The following HMCN1 variants were observed in gnomAD, a reference collection of about 807,000 sequenced individuals.
HMCN1 encodes the protein hemicentin 1, also known as hemicentin-1.
A neutral mutation model predicts 625.9 loss-of-function variants in HMCN1; 321 were observed. The ratio of observed to expected loss-of-function variants is 0.51; its 90% confidence interval spans 0.47 to 0.56. The LOEUF is 0.56. Among genes scored for constraint, HMCN1 ranks in the 20% least tolerant of loss-of-function variants. HMCN1 has a pLI of 0.00. For synonymous variants in HMCN1, 2,425 were observed against 2,417.6 expected (o/e 1.00, Z -0.09); for missense variants, 6,588 against 6,887.3 (o/e 0.96, Z 1.54).
chr1:186,067,895 T>TAAGG lies in HMCN1; in HGVS notation c.7769_7770insGGAA (p.Asn2590LysfsTer10), dbSNP rs748205572. 6.2e-7 allele frequency: 1 copy of TAAGG among 1,612,854 alleles called. No individual in the cohort carries two copies. The highest frequency in any genetic ancestry group is 8.5e-7 in the Non-Finnish European group (1 of 1,178,856). ...ACCCTGAAGATGTCACTGTCATCCT[T>TAAGG]AACAGCCCTACATCTTTGGTCTGTG... is the stretch of plus-strand genomic sequence containing the variant. On this transcript the variant is annotated frameshift_variant, in exon 50 of 107. Transcript: ENST00000271588. LOFTEE classifies it high-confidence loss of function.
In HMCN1 at chr1:185,897,400, T is replaced by C. The variant is rs1388399919; in HGVS notation, c.622-11937T>C. On this transcript the variant is annotated intron_variant, in intron 4 of 106. Coordinates refer to ENST00000271588, the MANE Select transcript of HMCN1 (RefSeq NM_031935.3). Reference sequence around the variant, plus strand: ...TTCTGAACTCCTTCAGTGACTTCCATAGATCTTCAGGGTAAGATCTGCCAT... The same window carrying C: ...TTCTGAACTCCTTCAGTGACTTCCACAGATCTTCAGGGTAAGATCTGCCAT... 5.9e-5 allele frequency among the ~76,000 whole-genome samples: 9 copies of C among 152,312 alleles called. No homozygotes were observed. The South Asian group carries it at 1.7e-3, about 28-fold the overall frequency.
intron 2 of HMCN1, among the ~76,000 whole-genome samples, chr1:185,860,838 T>C (rs765147041): frequency 3.9e-5 from 6 of 152,294 alleles, no homozygotes; most frequent in Admixed American, 2.6e-4. Context: ...TACATAAAGC[T>C]CCAATGTTTC....
At chr1:186,187,281 C>T (rs1653390845) in intron 105 of HMCN1, among the ~76,000 whole-genome samples, 1 of 152,142 alleles carries the variant, frequency 6.6e-6, no homozygotes, top group Non-Finnish European at 1.5e-5. Flanking sequence ...GTGAACTGCT[C>T]CATTCGATCA....
chr1:185,745,889 G>A (rs1464378907), intron 1 of HMCN1, among the ~76,000 whole-genome samples: 1 of 152,180 alleles, frequency 6.6e-6, no homozygotes, highest in African/African-American at 2.4e-5. Flanking sequence ...CTGAGAAAAG[G>A]AAGGAGACAG....
chr1:186,022,471 T>C (rs1387889387), intron 35 of HMCN1, among the ~76,000 whole-genome samples: 1 of 152,122 alleles, frequency 6.6e-6, no homozygotes, highest in Non-Finnish European at 1.5e-5. Flanking sequence ...TGGAAGTTAC[T>C]AGTAACCTCC....
At chr1:185,930,055 G>A (rs1240573700) in intron 10 of HMCN1, among the ~76,000 whole-genome samples, 2 of 152,200 alleles carry the variant, frequency 1.3e-5, no homozygotes, top group African/African-American at 4.8e-5. Context: ...GGAAGAACTT[G>A]TGAACTGACT....
At chr1:185,838,880 AT>A (rs2102304563) in intron 1 of HMCN1, among the ~76,000 whole-genome samples, 1 of 152,332 alleles carries the variant, frequency 6.6e-6, no homozygotes, top group African/African-American at 2.4e-5. Context: ...TGTTTGTTGA[AT>A]GAATTGAAGC....
rs566559292 is a variant in HMCN1, at chr1:185,954,199, G to C, written c.1829-8319G>C. Among the ~76,000 whole-genome samples the C allele has an allele frequency of 1.2e-3, 180 of 152,210 alleles. 1 individual carries two copies. Among genetic ancestry groups the C allele is most frequent in the Middle Eastern group, 6.8e-3 (2 of 294 alleles). On this transcript the variant is annotated intron_variant, in intron 11 of 106. Coordinates refer to ENST00000271588, the MANE Select transcript of HMCN1 (RefSeq NM_031935.3). ...CACAGGGGATGCGATGGCTTGGCTT[G>C]GGCTCAGAGGCCTGACAACCCATAA...
intron 70 of HMCN1, among the ~76,000 whole-genome samples, chr1:186,108,109 A>G (rs1660706906): frequency 6.7e-6 from 1 of 150,332 alleles, no homozygotes; most frequent in African/African-American, 2.4e-5. Context: ...TCCCTGATTT[A>G]GTAATTTTTA....
At chr1:185,935,241 A>C (rs1667751570) in intron 11 of HMCN1, among the ~76,000 whole-genome samples, 2 of 152,114 alleles carry the variant, frequency 1.3e-5, no homozygotes. Context: ...TATAGTCCAT[A>C]ATTTTTCTAT....
intron 71 of HMCN1, among the ~76,000 whole-genome samples, chr1:186,110,740 G>A (rs1571365134): frequency 1.3e-5 from 2 of 152,198 alleles, no homozygotes; most frequent in East Asian, 3.9e-4. Flanking sequence ...CCAGGACACA[G>A]TTGAATAGGT....
At chr1:186,024,499 G>A (rs1368557341) in intron 36 of HMCN1, among the ~76,000 whole-genome samples, 1 of 152,046 alleles carries the variant, frequency 6.6e-6, no homozygotes, top group Non-Finnish European at 1.5e-5. Flanking sequence ...TCTGGTCTCT[G>A]TTACTGGCTA....
intron 97 of HMCN1, among the ~76,000 whole-genome samples, chr1:186,157,839 A>G (rs1403105641): frequency 6.6e-6 from 1 of 152,066 alleles, no homozygotes; most frequent in Non-Finnish European, 1.5e-5. Context: ...CCAGTCTATC[A>G]TTGTTGGACA....
chr1:185,997,407 A>C, intron 24 of HMCN1, 22 bp from the exon 25 acceptor site: 2 of 1,441,386 alleles, frequency 1.4e-6, no homozygotes, highest in African/African-American at 1.4e-5. Context: ...AGCCTGTGAT[A>C]ATGCATTTAT....
chr1:185,764,446 T>A (rs1399035460), intron 1 of HMCN1, among the ~76,000 whole-genome samples: 1 of 152,134 alleles, frequency 6.6e-6, no homozygotes, highest in Non-Finnish European at 1.5e-5. Context: ...TTAGGAAGAG[T>A]TGGATTATTG....
rs1659545572 is a variant in HMCN1 at position 186,087,120 on chromosome 1, A to G, written c.9047-97A>G. The G allele has an allele frequency of 2.3e-5, 18 of 789,744 alleles. No individual in the cohort carries two copies. The South Asian group carries it at 2.6e-4, about 11-fold the overall frequency. The allele number at this position is 789,744 out of a possible 1,614,324, so 48.9% of individuals were successfully genotyped here. On this transcript the variant is annotated intron_variant, in intron 58 of 106. Coordinates refer to ENST00000271588, the MANE Select transcript of HMCN1 (RefSeq NM_031935.3). ...AAGGCTTCTCTATAAATTTTACTCT[A>G]AGGGGAAGGATATATGTTGCTATTT... is the stretch of plus-strand genomic sequence containing the variant.
intron 4 of HMCN1, among the ~76,000 whole-genome samples, chr1:185,901,145 T>C (rs996290064): frequency 1.5e-4 from 23 of 152,018 alleles, no homozygotes; most frequent in African/African-American, 4.3e-4. Context: ...TGGATTTATA[T>C]TCTAAATGGG....
At chr1:186,144,068 G>C in intron 89 of HMCN1, 105 bp from the exon 90 acceptor site, 1 of 950,898 alleles carries the variant, frequency 1.1e-6, no homozygotes, top group Admixed American at 2.5e-5. Flanking sequence ...AATTCTCTTA[G>C]ATTGGGGACT....
Position 186,112,917 on chromosome 1 carries a change from G to C in HMCN1, c.11095G>C (p.Gly3699Arg). The C allele has an allele frequency of 6.2e-7, 1 of 1,614,044 alleles. No individual in the cohort carries two copies. The highest frequency in any genetic ancestry group is 8.5e-7 in the Non-Finnish European group (1 of 1,179,986). ...TACCTGTGTTGCCAGCAACATTGCA[G>C]GAAAGACTACAAGAGAATTTATTCT... ...NYTCVASNIA[G>R]KTTREFILTV... Residue 3699 changes from glycine to arginine, a missense_variant, in exon 72 of 107, where the codon GGA (glycine) becomes CGA (arginine). Around this residue, in one of 3 missense-constraint regions of HMCN1, gnomAD observed 4,628 missense variants for 4,853.1 expected, o/e 0.95. Transcript: ENST00000271588.
Sources: allele counts gnomAD v4.1 joint callset (sites outside exome capture counted in the v4.1 genomes callset), GRCh38; gene constraint gnomAD v4.1.1; regional missense constraint gnomAD v4.1.1; transcripts MANE v1.5; gene names NCBI Gene and HGNC (gene_info 2026-07-23, HGNC 2026-07-21).